SLC4A7: variants seen among roughly 807,000 people sequenced by gnomAD.
SLC4A7 encodes the protein solute carrier family 4 member 7.
A neutral mutation model predicts 137.6 loss-of-function variants in SLC4A7; 51 were observed. The observed-to-expected ratio is 0.37, with a 90% confidence interval of 0.30 to 0.47. The LOEUF (loss-of-function observed/expected upper bound fraction) is 0.47, where lower values mean the gene tolerates loss of function less well. Among genes scored for constraint, SLC4A7 ranks in the 20% least tolerant of loss-of-function variants. The pLI is 1.00. For synonymous variants in SLC4A7, 542 were observed against 518.6 expected (o/e 1.05, Z -0.61); for missense variants, 1,247 against 1,525.4 (o/e 0.82, Z 3.04).
intron 3 of SLC4A7, among the ~76,000 whole-genome samples, chr3:27,438,696 AATAAC>A (rs1362115359): frequency 1.8e-4 from 28 of 151,956 alleles, no homozygotes; most frequent in African/African-American, 6.0e-4. Context: ...CATAACATAA[AATAAC>A]ATAACATAAA....
At chr3:27,467,167 C>CA (rs750118958) in intron 1 of SLC4A7, among the ~76,000 whole-genome samples, 1 of 152,238 alleles carries the variant, frequency 6.6e-6, no homozygotes, top group East Asian at 1.9e-4. Context: ...CTTCCAGGGA[C>CA]AATGCACTTT....
chr3:27,448,410 C>G (rs1352212416), intron 3 of SLC4A7, among the ~76,000 whole-genome samples: 1 of 151,682 alleles, frequency 6.6e-6, no homozygotes, highest in Non-Finnish European at 1.5e-5. Context: ...ATGAAGAAAA[C>G]AAAGCCCTTT....
At chr3:27,378,797 G>C (rs1011469444) in intron 25 of SLC4A7, among the ~76,000 whole-genome samples, 3 of 152,272 alleles carry the variant, frequency 2.0e-5, no homozygotes, top group South Asian at 2.1e-4. Context: ...TTCAATTACA[G>C]TATTTAATCC....
chr3:27,471,553 G>A (rs2059246978), intron 1 of SLC4A7, among the ~76,000 whole-genome samples: 1 of 152,164 alleles, frequency 6.6e-6, no homozygotes, highest in African/African-American at 2.4e-5. Context: ...TGTATTTTTA[G>A]TAGAGATGGG....
chr3:27,412,711 CTAT>C (rs2054022180), intron 11 of SLC4A7, among the ~76,000 whole-genome samples: 1 of 146,148 alleles, frequency 6.8e-6, no homozygotes, highest in Non-Finnish European at 1.6e-5. Context: ...GTGGTTTTGG[CTAT>C]TATTTTTAAT....
At chr3:27,434,885 A>G (rs904005721) in intron 5 of SLC4A7, among the ~76,000 whole-genome samples, 2 of 152,218 alleles carry the variant, frequency 1.3e-5, no homozygotes, top group Non-Finnish European at 2.9e-5. Context: ...ACCTTAACAC[A>G]ACAGCTACAG....
At chr3:27,459,982 TATATATATAC>T (rs1559823440) in intron 1 of SLC4A7, among the ~76,000 whole-genome samples, 1 of 96,900 alleles carries the variant, frequency 1.0e-5, no homozygotes, top group East Asian at 5.9e-4. Context: ...TATATATATA[TATATATATAC>T]ACACACACAC....
At chr3:27,431,114 A>C (rs574396115) in intron 7 of SLC4A7, among the ~76,000 whole-genome samples, 184 bp downstream of exon 7, 1 of 152,312 alleles carries the variant, frequency 6.6e-6, no homozygotes, top group African/African-American at 2.4e-5. Flanking sequence ...TCAACGGCGA[A>C]AACCGCAATT....
At chr3:27,424,836 T>C (rs1224785499) in intron 7 of SLC4A7, among the ~76,000 whole-genome samples, 1 of 152,186 alleles carries the variant, frequency 6.6e-6, no homozygotes, top group Non-Finnish European at 1.5e-5. Context: ...TTTGTATCTA[T>C]GTGACTGTAA....
At chr3:27,444,442 T>C (rs190480701) in intron 3 of SLC4A7, among the ~76,000 whole-genome samples, 20 of 152,342 alleles carry the variant, frequency 1.3e-4, no homozygotes, top group Admixed American at 4.6e-4. Flanking sequence ...CTCATACATA[T>C]TAGACTACAT....
At chr3:27,480,791 A>T (rs1157126808) in intron 1 of SLC4A7, among the ~76,000 whole-genome samples, 1 of 151,422 alleles carries the variant, frequency 6.6e-6, no homozygotes, top group African/African-American at 2.4e-5. Flanking sequence ...TCTAATGACT[A>T]TTTTTTTTTA....
At chr3:27,462,998 G>A (rs969503814) in intron 1 of SLC4A7, among the ~76,000 whole-genome samples, 1 of 152,222 alleles carries the variant, frequency 6.6e-6, no homozygotes, top group Non-Finnish European at 1.5e-5. Context: ...AAAATATTAA[G>A]AAAGCAGGGA....
At chr3:27,462,780 A>G (rs1335243165) in intron 1 of SLC4A7, 2 of 152,508 alleles carry the variant, frequency 1.3e-5, no homozygotes, top group African/African-American at 4.8e-5. Flanking sequence ...TCACTACTGC[A>G]TTAGTAATTG....
intron 1 of SLC4A7, among the ~76,000 whole-genome samples, chr3:27,482,841 A>T (rs1576715998): frequency 6.6e-6 from 1 of 152,304 alleles, no homozygotes; most frequent in East Asian, 1.9e-4. Context: ...ATCACTGTGA[A>T]TTATCTTCCA....
At chr3:27,377,133 C>T (rs1295992710) in intron 25 of SLC4A7, among the ~76,000 whole-genome samples, 1 of 151,942 alleles carries the variant, frequency 6.6e-6, no homozygotes, top group Non-Finnish European at 1.5e-5. Context: ...TGGTCAGAAT[C>T]TGTTGGATTA....
chr3:27,392,236 T>C (rs921570140), intron 20 of SLC4A7, among the ~76,000 whole-genome samples: 13 of 152,214 alleles, frequency 8.5e-5, no homozygotes, highest in Non-Finnish European at 1.5e-5. Flanking sequence ...CAGTAGCCTT[T>C]ACTGAATATA....
At chr3:27,392,349 C>A (rs1195884478) in intron 20 of SLC4A7, among the ~76,000 whole-genome samples, 1 of 152,192 alleles carries the variant, frequency 6.6e-6, no homozygotes, top group East Asian at 1.9e-4. Flanking sequence ...GCAAGAAAGT[C>A]TGGCTATTAA....
chr3:27,417,368 A>G (rs1056080168), intron 11 of SLC4A7, among the ~76,000 whole-genome samples: 2 of 152,212 alleles, frequency 1.3e-5, no homozygotes, highest in African/African-American at 4.8e-5. Context: ...AAAAAATAAA[A>G]TGTAATGGGA....
At chr3:27,461,794 C>T (rs1279333951) in intron 1 of SLC4A7, among the ~76,000 whole-genome samples, 1 of 148,604 alleles carries the variant, frequency 6.7e-6, no homozygotes, top group East Asian at 2.0e-4. Context: ...ACCCCATCTC[C>T]ACCAAAAAAA....
Sources: allele counts gnomAD v4.1 joint callset (sites outside exome capture counted in the v4.1 genomes callset), GRCh38; gene constraint gnomAD v4.1.1; transcripts MANE v1.5; gene names NCBI Gene and HGNC (gene_info 2026-07-23, HGNC 2026-07-21).